The following ZNF282 variants were observed in gnomAD, a reference collection of about 807,000 sequenced individuals.
ZNF282 encodes the protein HTLV-I U5 repressive element-binding protein 1.
In ZNF282, 30 loss-of-function variants were observed where a neutral mutation model predicts 61.9. The ratio of observed to expected loss-of-function variants is 0.48; its 90% CI spans 0.36 to 0.66. The LOEUF is 0.66. Ranked by LOEUF, ZNF282 falls within the 30% of genes least tolerant of loss-of-function variation. ZNF282 has a pLI of 0.00. For missense variants in ZNF282, 788 were observed against 941.4 expected, an observed-to-expected ratio of 0.84 and a Z score of 2.13; for synonymous variants, 396 against 405.0, an observed-to-expected ratio of 0.98 and a Z score of 0.27.
At chr7:149,216,989 G>A (rs542600449) in intron 7 of ZNF282, among the ~76,000 whole-genome samples, 3 of 152,300 alleles carry the variant, frequency 2.0e-5, no homozygotes, top group South Asian at 2.1e-4. Context: ...AGCAGGAAGC[G>A]TAGCTAGGAC....
At chr7:149,196,079 C>G (rs1390322190) in intron 1 of ZNF282, among the ~76,000 whole-genome samples, 1 of 152,058 alleles carries the variant, frequency 6.6e-6, no homozygotes, top group Non-Finnish European at 1.5e-5. Context: ...GGCTGAGCCC[C>G]GGCTTGGGGC....
At chr7:149,213,645 G>T in intron 6 of ZNF282, 56 bp from the exon 7 acceptor site, 1 of 1,363,372 alleles carries the variant, frequency 7.3e-7, no homozygotes, top group South Asian at 1.2e-5. Flanking sequence ...AACCTTTGAT[G>T]GGAGGCCGAG....
At position 149,198,418 on chromosome 7, in the gene ZNF282, G is replaced by A. The variant is rs199638052; in HGVS notation, c.251G>A (p.Arg84His). Reference sequence around the variant, plus strand: ...GATAGGGCACCTGTCTTCCCCGACCGCATGATGCGAGAGCCCCAGTTGCCC... The same window carrying A: ...GATAGGGCACCTGTCTTCCCCGACCACATGATGCGAGAGCCCCAGTTGCCC... ...FPDRAPVFPD[R>H]MMREPQLPTA... Residue 84 changes from arginine to histidine, a missense_variant, in exon 2 of 8, where the codon CGC becomes CAC. Around this residue, in one of 3 missense-constraint regions of ZNF282, gnomAD observed 137 missense variants for 135.4 expected, o/e 1.01. Coordinates refer to ENST00000610704, the MANE Select transcript of ZNF282 (RefSeq NM_003575.4). This position sits in a 1 kb window ranked among gnomAD's most constrained non-coding sequence, Gnocchi z 4.3. 2.5e-5 allele frequency: 40 copies of A among 1,614,190 alleles called. No homozygotes were observed. In the East Asian group the frequency reaches 5.1e-4, roughly 21 times the overall value.
intron 7 of ZNF282, among the ~76,000 whole-genome samples, chr7:149,219,066 T>A (rs1454611681): frequency 1.3e-5 from 2 of 152,162 alleles, no homozygotes; most frequent in African/African-American, 4.8e-5. Context: ...TATGATTGAT[T>A]GAATCATTAG....
chr7:149,224,190 G>T lies in ZNF282; in HGVS notation c.1559G>T (p.Cys520Phe). Reference protein sequence around the residue: ...LHGARSKPYSCPECGKSFGVR... With the variant: ...LHGARSKPYSFPECGKSFGVR... ...GGCGCCCGCAGCAAGCCCTACTCGT[G>T]CCCCGAGTGCGGCAAGAGCTTCGGC... The change falls in exon 8 of 8, where the codon TGC (cysteine) becomes TTC (phenylalanine). Residue 520 changes from cysteine to phenylalanine, a missense_variant. By Grantham distance (205) the Cys-to-Phe change is radical. Transcript: ENST00000610704. 1 of 1,604,594 alleles carries T rather than the reference G, an allele frequency of 6.2e-7. No individual in the cohort carries two copies. Among genetic ancestry groups the T allele is most frequent in the Non-Finnish European group, 8.5e-7 (1 of 1,179,432 alleles).
intron 2 of ZNF282, 122 bp from the exon 3 acceptor site, chr7:149,206,573 TG>T: frequency 6.9e-7 from 1 of 1,442,242 alleles, no homozygotes; most frequent in Non-Finnish European, 9.5e-7. Flanking sequence ...CAGTGGGGAC[TG>T]GGGAGCCACG....
At chr7:149,223,719 CAGAT>C (rs1470161452) in intron 7 of ZNF282, 89 bp from the exon 8 acceptor site, 4 of 1,302,834 alleles carry the variant, frequency 3.1e-6, no homozygotes, top group Non-Finnish European at 4.0e-6. Context: ...AACTGAGGCT[CAGAT>C]AGCATGCTCC....
At position 149,224,538 on chromosome 7, in the gene ZNF282, G is replaced by A; in HGVS notation, c.1907G>A (p.Gly636Asp). ...CGCCCCTACACGTGCGGCGAGTGCGGCAAGAGCTTCCGCTACAAGGAGTCG... is the reference window on the plus strand; with the variant it reads ...CGCCCCTACACGTGCGGCGAGTGCGACAAGAGCTTCCGCTACAAGGAGTCG... ...GERPYTCGEC[G>D]KSFRYKESLK... The change falls in exon 8 of 8, where the codon GGC (glycine) becomes GAC (aspartate). Residue 636 changes from glycine to aspartate, a missense_variant. Physicochemically the swap from Gly to Asp is moderately conservative, Grantham distance 94. Coordinates refer to ENST00000610704, the MANE Select transcript of ZNF282 (RefSeq NM_003575.4). The A allele has an allele frequency of 6.2e-7, 1 of 1,610,796 alleles. No individual in the cohort carries two copies.
intron 1 of ZNF282, among the ~76,000 whole-genome samples, chr7:149,196,056 G>T (rs989935599): frequency 3.3e-5 from 5 of 151,960 alleles, no homozygotes; most frequent in Non-Finnish European, 7.4e-5. Context: ...ACCTGGCAGA[G>T]CTCTGACCCT....
chr7:149,198,729 G>C lies in ZNF282; in HGVS notation c.562G>C (p.Gly188Arg), dbSNP rs758781279. 15 of 1,613,662 alleles carry C rather than the reference G, an allele frequency of 9.3e-6. No homozygotes were observed. Among genetic ancestry groups the C allele is most frequent in the Non-Finnish European group, 1.3e-5 (15 of 1,179,810 alleles). Residue 188 changes from glycine (G) to arginine (R), a missense_variant, in exon 2 of 8, where the codon GGC becomes CGC. Gly to Arg is a moderately radical substitution (Grantham distance 125). This residue lies in a region of ZNF282 where 92 missense variants were observed against 163.9 expected (regional missense o/e 0.56). Transcript: ENST00000610704. This position sits in a 1 kb window ranked among gnomAD's most constrained non-coding sequence, Gnocchi z 4.3. Reference protein sequence around the residue: ...RNFWVLRLPPGSKGEAPKVPV... With the variant: ...RNFWVLRLPPRSKGEAPKVPV... The stretch of plus-strand genomic sequence containing the variant: ...CTTCTGGGTCCTGCGGCTGCCCCCG[G>C]GCAGCAAGGGGGAGGCCCCCAAGGT...
chr7:149,221,119 A>G (rs910965638), intron 7 of ZNF282, among the ~76,000 whole-genome samples: 16 of 152,098 alleles, frequency 1.1e-4, no homozygotes, highest in African/African-American at 3.9e-4. Flanking sequence ...GGGTCTCCCT[A>G]GGTTGCCTAG....
rs1458922742 is a variant in ZNF282 at position 149,225,719 on chromosome 7, C to G, written c.*1072C>G. ...GGCAAGTGGGTGCTAGAGTCTGAGC[C>G]TCAGGCTCTCCTGCCCTGGGCCTCC... On this transcript the variant is annotated 3_prime_UTR_variant, in exon 8 of 8. Transcript: ENST00000610704. The G allele has an allele frequency of 6.5e-6, 1 of 152,788 alleles. No homozygotes were observed. Among genetic ancestry groups the G allele is most frequent in the Admixed American group, 6.5e-5 (1 of 15,292 alleles). The allele number at this position is 152,788 out of a possible 1,614,324, so 9.5% of individuals were successfully genotyped here.
At chr7:149,209,629 T>C (rs1796049952) in intron 4 of ZNF282, among the ~76,000 whole-genome samples, 1 of 152,208 alleles carries the variant, frequency 6.6e-6, no homozygotes, top group Non-Finnish European at 1.5e-5. Context: ...TTTTTGTAGA[T>C]GAAAAGGGTA....
intron 4 of ZNF282, among the ~76,000 whole-genome samples, chr7:149,208,593 C>T (rs1796033781): frequency 6.6e-6 from 1 of 152,186 alleles, no homozygotes; most frequent in African/African-American, 2.4e-5. Flanking sequence ...TCCTCCCATT[C>T]CCAGTCTTTC....
At chr7:149,196,509 G>C (rs1795819329) in intron 1 of ZNF282, among the ~76,000 whole-genome samples, 1 of 152,164 alleles carries the variant, frequency 6.6e-6, no homozygotes, top group Non-Finnish European at 1.5e-5. Flanking sequence ...TGGATCCTCA[G>C]AGAGGCCTGA....
intron 7 of ZNF282, among the ~76,000 whole-genome samples, chr7:149,215,050 T>C (rs975279990): frequency 2.0e-5 from 3 of 152,180 alleles, no homozygotes; most frequent in Non-Finnish European, 2.9e-5. Context: ...TTATGGATTG[T>C]TGAACATTCT....
Position 149,225,791 on chromosome 7 carries a change from G to GACCCTGCTGTGCTCCAC in ZNF282, c.*1152_*1168dup, listed in dbSNP as rs1796360658. On this transcript the variant is annotated 3_prime_UTR_variant, in exon 8 of 8. Coordinates refer to ENST00000610704, the MANE Select transcript of ZNF282 (RefSeq NM_003575.4). ...GCCCGTGCTCACGGACATGGATACAGACCCTGCTGTGCTCCACACCCTGCA... is the reference window on the plus strand; with the variant it reads ...GCCCGTGCTCACGGACATGGATACAGACCCTGCTGTGCTCCACACCCTGCTGTGCTCCACACCCTGCA... 6.5e-6 allele frequency: 1 copy of GACCCTGCTGTGCTCCAC among 152,738 alleles called. No individual in the cohort carries two copies. The highest frequency in any genetic ancestry group is 2.1e-4 in the South Asian group (1 of 4,828). The allele number at this position is 152,738 out of a possible 1,614,324, so 9.5% of individuals were successfully genotyped here. A position where few individuals can be genotyped will look rare whatever the true frequency, so the allele number is the denominator to read the frequency against.
At chr7:149,220,225 G>A (rs1028289663) in intron 7 of ZNF282, among the ~76,000 whole-genome samples, 6 of 152,046 alleles carry the variant, frequency 3.9e-5, no homozygotes, top group Non-Finnish European at 7.4e-5. Context: ...TGGCTAACAC[G>A]GTGAAACCCC....
intron 1 of ZNF282, among the ~76,000 whole-genome samples, chr7:149,197,318 A>G (rs1001941583): frequency 6.6e-6 from 1 of 152,160 alleles, no homozygotes; most frequent in East Asian, 1.9e-4. Context: ...TTCACCTCTA[A>G]TGAGTGACCT....
Sources: gnomAD v4.1 joint callset for allele counts (sites outside exome capture counted in the v4.1 genomes callset) on GRCh38, gnomAD v4.1.1 for gene constraint, gnomAD v4.1.1 regional missense constraint, Gnocchi (gnomAD v3.1) non-coding constraint, MANE v1.5 for transcripts, NCBI Gene and HGNC (gene_info 2026-07-23, HGNC 2026-07-21) for gene names.